Variants in IGSF10 observed in about 807,000 individuals in gnomAD.
The protein encoded by IGSF10 is immunoglobulin superfamily member 10.
IGSF10 carries 126 observed loss-of-function variants against 128.2 expected under a neutral mutation model. The observed-to-expected ratio is 0.98, with a 90% CI of 0.85 to 1.14. IGSF10 has a LOEUF of 1.14. Among genes scored for constraint, IGSF10 ranks in the 50% most tolerant of loss-of-function variants. The pLI is 0.00. For missense variants in IGSF10, 3,295 were observed against 3,149.8 expected (o/e 1.05, Z -1.10); for synonymous variants, 1,185 against 1,146.2 (o/e 1.03, Z -0.68).
the IGSF10 span, among the ~76,000 whole-genome samples, chr3:151,543,307 T>A: frequency 6.6e-6 from 1 of 152,166 alleles, no homozygotes; most frequent in Non-Finnish European, 1.5e-5. Context: ...TGCAGTTTTA[T>A]TCAGCAGCTT....
intron 4 of IGSF10, among the ~76,000 whole-genome samples, chr3:151,455,455 C>G (rs2108572168): frequency 8.8e-6 from 1 of 113,914 alleles, no homozygotes; most frequent in East Asian, 2.6e-4. Context: ...AAAATAAAAA[C>G]TAATACCCAT....
the IGSF10 span, among the ~76,000 whole-genome samples, chr3:151,614,120 G>C: frequency 4.6e-5 from 7 of 152,174 alleles, no homozygotes; most frequent in African/African-American, 9.7e-5. Context: ...ACCACAATGA[G>C]ATACCATCTC....
chr3:151,486,244 G>C, the IGSF10 span, among the ~76,000 whole-genome samples: 2 of 152,172 alleles, frequency 1.3e-5, no homozygotes, highest in African/African-American at 2.4e-5. Context: ...TGATGGTAAA[G>C]GGATCAATGC....
At chr3:151,540,023 G>C in the IGSF10 span, among the ~76,000 whole-genome samples, 49 of 152,098 alleles carry the variant, frequency 3.2e-4, no homozygotes, top group African/African-American at 1.1e-3. Flanking sequence ...GGGCGTCAGT[G>C]GTGTCATTTT....
At chr3:151,572,505 C>A in the IGSF10 span, among the ~76,000 whole-genome samples, 1 of 152,122 alleles carries the variant, frequency 6.6e-6, no homozygotes, top group Non-Finnish European at 1.5e-5. Flanking sequence ...AGTTTATTTG[C>A]GTAGAGGTGT....
At position 151,438,199 on chromosome 3, in the gene IGSF10, G is replaced by A; in HGVS notation, c.6362C>T (p.Ala2121Val). ...VAEEGDYTCYAQNTLGKDEMK... is the reference protein window; with the variant it reads ...VAEEGDYTCYVQNTLGKDEMK... ...TTCATCTTTCCCTAGGGTGTTCTGG[G>A]CATAGCAAGTATAATCTCCTTCCTC... Residue 2121 changes from alanine (A) to valine (V), a missense_variant, in exon 8 of 8, where the codon GCC becomes GTC. Transcript: ENST00000282466. 1 of 1,614,104 alleles carries A rather than the reference G, an allele frequency of 6.2e-7. No individual in the cohort carries two copies. The highest frequency in any genetic ancestry group is 8.5e-7 in the Non-Finnish European group (1 of 1,180,014).
chr3:151,613,439 AG>A, the IGSF10 span, among the ~76,000 whole-genome samples: 1 of 152,244 alleles, frequency 6.6e-6, no homozygotes, highest in Non-Finnish European at 1.5e-5. Context: ...ACAAGGCTAC[AG>A]TAACCAAAAC....
the IGSF10 span, among the ~76,000 whole-genome samples, chr3:151,603,355 A>T: frequency 1.3e-5 from 2 of 152,348 alleles, no homozygotes; most frequent in African/African-American, 4.8e-5. Flanking sequence ...TGTGAGGATT[A>T]GATGAGAAAA....
At chr3:151,616,907 G>A in the IGSF10 span, among the ~76,000 whole-genome samples, 6 of 152,164 alleles carry the variant, frequency 3.9e-5, no homozygotes, top group African/African-American at 1.4e-4. Flanking sequence ...CATCTGGTAA[G>A]GGCCTTTTTA....
At chr3:151,583,863 A>G in the IGSF10 span, among the ~76,000 whole-genome samples, 4 of 152,220 alleles carry the variant, frequency 2.6e-5, no homozygotes, top group Non-Finnish European at 5.9e-5. Flanking sequence ...AGATTTGTCA[A>G]GTCTGACTTT....
At chr3:151,593,633 A>G in the IGSF10 span, among the ~76,000 whole-genome samples, 18 of 152,170 alleles carry the variant, frequency 1.2e-4, no homozygotes, top group Non-Finnish European at 2.5e-4. Context: ...CAAATATTTG[A>G]AAAAGAAAAG....
chr3:151,476,717 G>C, the IGSF10 span, among the ~76,000 whole-genome samples: 1 of 152,162 alleles, frequency 6.6e-6, no homozygotes, highest in Non-Finnish European at 1.5e-5. Flanking sequence ...TCCCCCTCCA[G>C]TTTTGTTGAG....
At chr3:151,556,788 G>C in the IGSF10 span, among the ~76,000 whole-genome samples, 1 of 152,068 alleles carries the variant, frequency 6.6e-6, no homozygotes, top group Admixed American at 6.6e-5. Flanking sequence ...TGCATAGGGA[G>C]GATAAGTTCC....
the IGSF10 span, among the ~76,000 whole-genome samples, chr3:151,485,072 G>T: frequency 2.0e-3 from 305 of 152,230 alleles, no homozygotes; most frequent in African/African-American, 7.1e-3. Context: ...TAGATGAATT[G>T]CTAACTATAA....
chr3:151,496,589 T>C, the IGSF10 span, among the ~76,000 whole-genome samples: 6 of 110,644 alleles, frequency 5.4e-5, no homozygotes, highest in Admixed American at 4.0e-4. Flanking sequence ...TGTTGGACAT[T>C]TGGCTTGGTT....
rs1721237980 is a variant in IGSF10, at chr3:151,447,055, T to C, written c.2926A>G (p.Ile976Val). 2 of 1,614,114 alleles carry C rather than the reference T, an allele frequency of 1.2e-6. No individual in the cohort carries two copies. The highest frequency in any genetic ancestry group is 4.5e-5 in the East Asian group (2 of 44,880). The change falls in exon 6 of 8, where the codon ATA becomes GTA. Residue 976 changes from isoleucine to valine, a missense_variant. Coordinates refer to ENST00000282466, the MANE Select transcript of IGSF10 (RefSeq NM_178822.5). ...HNHFYSHTTQILSTSTFPSDP... is the reference protein window; with the variant it reads ...HNHFYSHTTQVLSTSTFPSDP... ...GAAGGGAACGTGGAGGTGCTAAGTA[T>C]TTGAGTAGTGTGAGAATAGAAGTGA... is the stretch of plus-strand genomic sequence containing the variant.
chr3:151,540,813 C>T, the IGSF10 span, among the ~76,000 whole-genome samples: 9 of 152,290 alleles, frequency 5.9e-5, no homozygotes, highest in South Asian at 4.2e-4. Context: ...AAAATGCACA[C>T]GAACCAATCC....
the IGSF10 span, among the ~76,000 whole-genome samples, chr3:151,530,746 G>A: frequency 1.3e-5 from 2 of 152,258 alleles, no homozygotes; most frequent in African/African-American, 4.8e-5. Flanking sequence ...ACCAGTACTA[G>A]CCACTTCAAA....
the IGSF10 span, among the ~76,000 whole-genome samples, chr3:151,511,932 C>T: frequency 6.6e-6 from 1 of 152,174 alleles, no homozygotes; most frequent in Non-Finnish European, 1.5e-5. Flanking sequence ...AATATATATG[C>T]ACCCAATACA....
Sources: allele counts gnomAD v4.1 joint callset (sites outside exome capture counted in the v4.1 genomes callset), GRCh38; gene constraint gnomAD v4.1.1; transcripts MANE v1.5; gene names NCBI Gene and HGNC (gene_info 2026-07-23, HGNC 2026-07-21).